Variants in SPAG6 observed in about 807,000 individuals in gnomAD.
SPAG6 encodes sperm associated antigen 6, also known as sperm-associated antigen 6.
In SPAG6, 49 loss-of-function variants were observed where a neutral mutation model predicts 58.5. That is an observed-to-expected ratio of 0.84 (90% CI 0.67 to 1.06). The LOEUF (loss-of-function observed/expected upper bound fraction) is 1.06, where lower values mean the gene tolerates loss of function less well. SPAG6 is among the 50% of genes least tolerant of loss of function. SPAG6 has a pLI of 0.00. For missense variants in SPAG6, 560 were observed against 611.3 expected (o/e 0.92, Z 0.89); for synonymous variants, 233 against 225.6 (o/e 1.03, Z -0.29).
At chr10:22,391,235 G>T (rs1334263960) in intron 7 of SPAG6, among the ~76,000 whole-genome samples, 3 of 152,130 alleles carry the variant, frequency 2.0e-5, no homozygotes, top group South Asian at 4.1e-4. Context: ...TTTCAGGAAA[G>T]GTGTTAGTGA....
chr10:22,407,182 G>A (rs1834579291), intron 9 of SPAG6, among the ~76,000 whole-genome samples: 1 of 150,330 alleles, frequency 6.7e-6, no homozygotes, highest in African/African-American at 2.5e-5. Flanking sequence ...CTGTCATTAT[G>A]ATGTTAGCTG....
chr10:22,377,686 A>G (rs1833849713), intron 4 of SPAG6, among the ~76,000 whole-genome samples: 1 of 152,272 alleles, frequency 6.6e-6, no homozygotes, highest in Non-Finnish European at 1.5e-5. Flanking sequence ...AGTCACAGCA[A>G]GCACTGCTGA....
chr10:22,346,430 G>GTTCCTCTTCTTCTTC (rs1836531776), intron 2 of SPAG6, among the ~76,000 whole-genome samples: 1 of 95,920 alleles, frequency 1.0e-5, no homozygotes, highest in Non-Finnish European at 2.2e-5. Context: ...AGAGAAAATG[G>GTTCCTCTTCTTCTTC]TTCTTCTTCT....
chr10:22,350,191 G>A (rs1251141018), intron 2 of SPAG6, among the ~76,000 whole-genome samples: 1 of 151,702 alleles, frequency 6.6e-6, no homozygotes, highest in Non-Finnish European at 1.5e-5. Flanking sequence ...CTTCTTAAAA[G>A]ATAGGGATAG....
chr10:22,375,586 T>TG (rs1833797213), intron 4 of SPAG6, among the ~76,000 whole-genome samples: 1 of 141,226 alleles, frequency 7.1e-6, no homozygotes, highest in African/African-American at 2.6e-5. Flanking sequence ...AAGGATTTTC[T>TG]TTTTTTTTTT....
intron 8 of SPAG6, among the ~76,000 whole-genome samples, chr10:22,395,053 G>T (rs758241611): frequency 6.6e-6 from 1 of 152,032 alleles, no homozygotes; most frequent in Non-Finnish European, 1.5e-5. Context: ...TTCACAGTTC[G>T]TCCATGTTGT....
chr10:22,409,207 G>A (rs1409966791), intron 9 of SPAG6, among the ~76,000 whole-genome samples: 2 of 152,164 alleles, frequency 1.3e-5, no homozygotes, highest in African/African-American at 4.8e-5. Flanking sequence ...AGATGATAAA[G>A]CAAGGTAGAA....
intron 2 of SPAG6, among the ~76,000 whole-genome samples, chr10:22,363,360 A>G (rs1837095461): frequency 2.0e-5 from 3 of 152,272 alleles, no homozygotes; most frequent in East Asian, 1.9e-4. Flanking sequence ...TCTCTATCAA[A>G]CAGTATAGAT....
Position 22,345,941 on chromosome 10 carries a change from A to T in SPAG6, c.121+123A>T, listed in dbSNP as rs1487417374. The T allele has an allele frequency of 6.4e-7, 1 of 1,561,076 alleles. No individual in the cohort carries two copies. The highest frequency in any genetic ancestry group is 8.7e-7 in the Non-Finnish European group (1 of 1,153,068). Reference sequence around the variant, plus strand: ...TGTGGGGACCGGAGTTCGCAAAAGCATCCATTCTTTTCAGCGGGTCTTTGG... The same window carrying T: ...TGTGGGGACCGGAGTTCGCAAAAGCTTCCATTCTTTTCAGCGGGTCTTTGG... On this transcript the variant is annotated intron_variant, in intron 2 of 10. Coordinates refer to ENST00000376624, the MANE Select transcript of SPAG6 (RefSeq NM_012443.4). The surrounding 1 kb of genome is among the most constrained non-coding windows in gnomAD (Gnocchi z 6.3).
intron 9 of SPAG6, among the ~76,000 whole-genome samples, chr10:22,407,555 C>T (rs1213285926): frequency 1.3e-5 from 2 of 152,118 alleles, no homozygotes; most frequent in East Asian, 3.9e-4. Flanking sequence ...ACCTTTCTCT[C>T]TGGCTGCCCT....
chr10:22,368,589 A>G lies in SPAG6; in HGVS notation c.383A>G (p.Asp128Gly), dbSNP rs768646423. The G allele has an allele frequency of 1.2e-6, 2 of 1,614,016 alleles. No individual in the cohort carries two copies. Among genetic ancestry groups the G allele is most frequent in the South Asian group, 2.2e-5 (2 of 91,072 alleles). ...AQAIVDCGAL[D>G]TLVICLEDFD... Reference sequence around the variant, plus strand: ...GCAATAGTCGATTGTGGAGCACTGGATACGCTGGTCATATGCTTGGAAGAT... The same window carrying G: ...GCAATAGTCGATTGTGGAGCACTGGGTACGCTGGTCATATGCTTGGAAGAT... The change falls in exon 4 of 11, where the codon GAT becomes GGT. Residue 128 changes from aspartate to glycine, a missense_variant. Physicochemically the swap from Asp to Gly is moderately conservative, Grantham distance 94. Transcript: ENST00000376624.
At chr10:22,364,090 T>C (rs1366464164) in intron 2 of SPAG6, among the ~76,000 whole-genome samples, 2 of 152,222 alleles carry the variant, frequency 1.3e-5, no homozygotes, top group African/African-American at 4.8e-5. Flanking sequence ...GTTTTCAATA[T>C]GTATTTTTTA....
intron 2 of SPAG6, among the ~76,000 whole-genome samples, chr10:22,351,876 T>TA (rs1171439881): frequency 1.3e-5 from 2 of 152,210 alleles, no homozygotes; most frequent in Non-Finnish European, 2.9e-5. Flanking sequence ...TAGTTTCTGT[T>TA]AAAAGTCTTG....
At chr10:22,384,145 T>G (rs1236399008) in intron 4 of SPAG6, among the ~76,000 whole-genome samples, 1 of 152,260 alleles carries the variant, frequency 6.6e-6, no homozygotes, top group Non-Finnish European at 1.5e-5. Context: ...TCAGCCATCC[T>G]CAGCATATTG....
At chr10:22,368,795 T>A in intron 4 of SPAG6, 117 bp downstream of exon 4, 1 of 722,924 alleles carries the variant, frequency 1.4e-6, no homozygotes, top group South Asian at 2.2e-5. Context: ...TGTTTCTGTA[T>A]GTGATGAGAA....
rs549479172 is a variant in SPAG6 at position 22,356,134 on chromosome 10, A to G, written c.122-8719A>G. On this transcript the variant is annotated intron_variant, in intron 2 of 10. Coordinates refer to ENST00000376624, the MANE Select transcript of SPAG6 (RefSeq NM_012443.4). The stretch of plus-strand genomic sequence containing the variant: ...TAGCTGTATATTGAGAACAAATTAC[A>G]AATTACCTATGCTAGGTCACTTGAA... Among the ~76,000 whole-genome samples the G allele has an allele frequency of 1.5e-4, 23 of 152,356 alleles. No individual in the cohort carries two copies. In the South Asian group the frequency reaches 4.8e-3, roughly 32 times the overall value.
intron 4 of SPAG6, among the ~76,000 whole-genome samples, chr10:22,372,714 A>G (rs997223313): frequency 1.3e-5 from 2 of 151,776 alleles, no homozygotes; most frequent in African/African-American, 4.8e-5. Context: ...AGTCTTCCAC[A>G]TTTGGGCTCA....
chr10:22,370,287 G>A (rs964321939), intron 4 of SPAG6, among the ~76,000 whole-genome samples: 2 of 152,166 alleles, frequency 1.3e-5, no homozygotes, highest in African/African-American at 4.8e-5. Flanking sequence ...TAGCTGCTGT[G>A]TAGTGAGTAA....
Position 22,389,147 on chromosome 10 carries a change from TC to T in SPAG6, c.853-10del. 1.2e-6 allele frequency: 2 copies of T among 1,612,422 alleles called. No individual in the cohort carries two copies. Among genetic ancestry groups the T allele is most frequent in the Non-Finnish European group, 1.7e-6 (2 of 1,178,882 alleles). ...AGGGTCCTGGTGATCTAACTCTTGTTCCCATCGCTTAGCTTTCACAGCTGGT... is the reference window on the plus strand; with the variant it reads ...AGGGTCCTGGTGATCTAACTCTTGTTCCATCGCTTAGCTTTCACAGCTGGT... On this transcript the variant is annotated splice_polypyrimidine_tract_variant and intron_variant, in intron 6 of 10. Transcript: ENST00000376624.
Sources: allele counts gnomAD v4.1 joint callset (sites outside exome capture counted in the v4.1 genomes callset), GRCh38; gene constraint gnomAD v4.1.1; non-coding constraint Gnocchi (gnomAD v3.1); transcripts MANE v1.5; gene names NCBI Gene and HGNC (gene_info 2026-07-23, HGNC 2026-07-21).